Variants in PRKCA observed in about 807,000 individuals in gnomAD.
PRKCA encodes protein kinase C alpha type.
A neutral mutation model predicts 87.0 loss-of-function variants in PRKCA; 27 were observed. The ratio of observed to expected loss-of-function variants is 0.31; its 90% CI spans 0.23 to 0.43. PRKCA has a LOEUF of 0.43. Among genes scored for constraint, PRKCA ranks in the 20% least tolerant of loss-of-function variants. PRKCA has a pLI of 1.00. For synonymous variants in PRKCA, 329 were observed against 311.1 expected (o/e 1.06, Z -0.61); for missense variants, 518 against 852.3 (o/e 0.61, Z 4.88).
chr17:66,797,630 G>T (rs142932296), intron 16 of PRKCA, among the ~76,000 whole-genome samples: 2 of 152,138 alleles, frequency 1.3e-5, no homozygotes, highest in African/African-American at 4.8e-5. Context: ...TCTTACCTTC[G>T]CAGAGAGATG....
chr17:66,320,951 A>G (rs181375362), intron 2 of PRKCA, among the ~76,000 whole-genome samples: 15 of 152,342 alleles, frequency 9.8e-5, no homozygotes, highest in African/African-American at 2.6e-4. Context: ...ATGTAACTCT[A>G]TCCTTAAAAT....
chr17:66,702,640 T>C lies in PRKCA; in HGVS notation c.918+13593T>C, dbSNP rs575845429. On this transcript the variant is annotated intron_variant, in intron 8 of 16. Coordinates refer to ENST00000413366, the MANE Select transcript of PRKCA (RefSeq NM_002737.3). ...TTAATTAGTTTGATTGTAGTAATCA[T>C]TTCACAGTGGATATGTACACAAAAC... 1.9e-3 allele frequency among the ~76,000 whole-genome samples: 286 copies of C among 152,342 alleles called. 1 individual carries two copies. Among genetic ancestry groups the C allele is most frequent in the African/African-American group, 6.5e-3 (269 of 41,572 alleles).
intron 2 of PRKCA, among the ~76,000 whole-genome samples, chr17:66,399,899 A>G (rs1363804755): frequency 6.6e-6 from 1 of 152,176 alleles, no homozygotes; most frequent in African/African-American, 2.4e-5. Flanking sequence ...GGATTTTTTT[A>G]GATTTTGGAA....
intron 10 of PRKCA, 69 bp downstream of exon 10, chr17:66,735,731 T>C: frequency 1.3e-6 from 2 of 1,529,764 alleles, no homozygotes; most frequent in Non-Finnish European, 1.8e-6. Context: ...CCAAAGCTTC[T>C]TAGCATCCTT....
At chr17:66,636,317 T>C (rs889839602) in intron 3 of PRKCA, among the ~76,000 whole-genome samples, 1 of 152,248 alleles carries the variant, frequency 6.6e-6, no homozygotes, top group African/African-American at 2.4e-5. Flanking sequence ...GTTTCCATGC[T>C]CCTGCATCCC....
intron 13 of PRKCA, among the ~76,000 whole-genome samples, chr17:66,763,701 G>A (rs1974736051): frequency 6.6e-6 from 1 of 152,194 alleles, no homozygotes; most frequent in Non-Finnish European, 1.5e-5. Flanking sequence ...ATGACAGCTT[G>A]GGAAGAGGCT....
chr17:66,535,412 T>C (rs1184414600), intron 3 of PRKCA, among the ~76,000 whole-genome samples: 1 of 152,228 alleles, frequency 6.6e-6, no homozygotes, highest in Admixed American at 6.5e-5. Flanking sequence ...ATTGATGTCT[T>C]GTGGGATAGT....
intron 2 of PRKCA, chr17:66,416,004 T>TA (rs1441886800): frequency 6.6e-6 from 1 of 152,112 alleles, no homozygotes; most frequent in Non-Finnish European, 1.5e-5. Flanking sequence ...AGGTGCCTCT[T>TA]TGGGAATTCT....
chr17:66,781,847 T>C (rs1425776359), intron 14 of PRKCA, among the ~76,000 whole-genome samples: 2 of 122,682 alleles, frequency 1.6e-5, no homozygotes, highest in Non-Finnish European at 3.4e-5. Flanking sequence ...TGGTAAATTT[T>C]GTGAGAGAGA....
chr17:66,335,547 A>G (rs1159652495), intron 2 of PRKCA, among the ~76,000 whole-genome samples: 1 of 150,780 alleles, frequency 6.6e-6, no homozygotes, highest in Admixed American at 6.7e-5. Context: ...AACTGAGTAC[A>G]CTCCAGCCTG....
At chr17:66,551,457 C>T (rs1030209054) in intron 3 of PRKCA, among the ~76,000 whole-genome samples, 5 of 152,228 alleles carry the variant, frequency 3.3e-5, no homozygotes, top group African/African-American at 4.8e-5. Context: ...AAGCTGTTGG[C>T]GGAAGCCTGC....
chr17:66,687,335 G>A, intron 6 of PRKCA, 68 bp downstream of exon 6: 2 of 1,505,126 alleles, frequency 1.3e-6, no homozygotes, highest in South Asian at 2.5e-5. Flanking sequence ...CATTATTTGA[G>A]GTAATGAAGT....
intron 8 of PRKCA, among the ~76,000 whole-genome samples, chr17:66,694,323 A>G (rs1972862042): frequency 6.6e-6 from 1 of 151,984 alleles, no homozygotes; most frequent in East Asian, 1.9e-4. Context: ...TCTACCAAAA[A>G]TACAAAAAAT....
chr17:66,705,175 A>G (rs910243174), intron 8 of PRKCA, among the ~76,000 whole-genome samples: 1 of 152,262 alleles, frequency 6.6e-6, no homozygotes, highest in African/African-American at 2.4e-5. Context: ...TAAGGGGGAA[A>G]AAAATCTATA....
At chr17:66,409,657 C>T (rs1341303770) in intron 2 of PRKCA, among the ~76,000 whole-genome samples, 6 of 152,148 alleles carry the variant, frequency 3.9e-5, no homozygotes, top group Admixed American at 6.5e-5. Flanking sequence ...GGGCTGGGCG[C>T]GGTGGCTCAC....
intron 5 of PRKCA, among the ~76,000 whole-genome samples, chr17:66,671,992 C>T (rs1170793170): frequency 6.6e-6 from 1 of 151,934 alleles, no homozygotes; most frequent in Non-Finnish European, 1.5e-5. Flanking sequence ...ACACTGTACA[C>T]CAAAATAAAT....
intron 5 of PRKCA, among the ~76,000 whole-genome samples, chr17:66,657,527 C>T (rs1337479930): frequency 6.6e-6 from 1 of 152,118 alleles, no homozygotes; most frequent in Non-Finnish European, 1.5e-5. Context: ...CACTGACCTC[C>T]CTTTCTCTTT....
At chr17:66,527,642 A>C (rs1202516368) in intron 3 of PRKCA, among the ~76,000 whole-genome samples, 1 of 152,242 alleles carries the variant, frequency 6.6e-6, no homozygotes, top group East Asian at 1.9e-4. Context: ...TTGTGATGGA[A>C]GTAATTGACC....
chr17:66,712,045 C>G (rs1973343873), intron 8 of PRKCA, among the ~76,000 whole-genome samples: 1 of 152,108 alleles, frequency 6.6e-6, no homozygotes. Flanking sequence ...GTTTGAAAAC[C>G]CTGTCCCATG....
Sources: allele counts gnomAD v4.1 joint callset (sites outside exome capture counted in the v4.1 genomes callset), GRCh38; gene constraint gnomAD v4.1.1; transcripts MANE v1.5; gene names NCBI Gene and HGNC (gene_info 2026-07-23, HGNC 2026-07-21).